Variants in DENND1B observed in about 807,000 individuals in gnomAD.
DENND1B encodes the protein DENN domain containing 1B, also known as DENN domain-containing protein 1B.
A neutral mutation model predicts 90.1 loss-of-function variants in DENND1B; 59 were observed. That is an observed-to-expected ratio of 0.65 (90% CI 0.53 to 0.81). DENND1B has a LOEUF of 0.81. Ranked by LOEUF, DENND1B falls within the 40% of genes least tolerant of loss-of-function variation. DENND1B has a pLI of 0.00. For missense variants in DENND1B, 862 were observed against 912.6 expected, an observed-to-expected ratio of 0.94 and a Z score of 0.71; for synonymous variants, 337 against 324.6, an observed-to-expected ratio of 1.04 and a Z score of -0.41.
intron 15 of DENND1B, among the ~76,000 whole-genome samples, chr1:197,563,930 G>A (rs1208612378): frequency 6.6e-6 from 1 of 151,930 alleles, no homozygotes; most frequent in African/African-American, 2.4e-5. Context: ...CTTCGAGGAA[G>A]TAACTGCAGA....
chr1:197,666,907 C>T (rs1267370008), intron 5 of DENND1B, among the ~76,000 whole-genome samples: 1 of 152,052 alleles, frequency 6.6e-6, no homozygotes, highest in African/African-American at 2.4e-5. Flanking sequence ...CCTGTAATCC[C>T]AACACTTTGG....
At chr1:197,751,681 T>C (rs1203470293) in intron 2 of DENND1B, among the ~76,000 whole-genome samples, 1 of 151,876 alleles carries the variant, frequency 6.6e-6, no homozygotes, top group African/African-American at 2.4e-5. Flanking sequence ...TTGTCTCTAC[T>C]AAAAATACAA....
chr1:197,610,854 A>T (rs192681869), intron 12 of DENND1B, among the ~76,000 whole-genome samples: 525 of 151,032 alleles, frequency 3.5e-3, no homozygotes, highest in African/African-American at 8.5e-3. Context: ...AACCTACTAA[A>T]GATATTTATT....
chr1:197,562,200 G>A (rs948229334), intron 15 of DENND1B, among the ~76,000 whole-genome samples: 3 of 151,860 alleles, frequency 2.0e-5, no homozygotes, highest in African/African-American at 7.2e-5. Context: ...CAAAGTCAGA[G>A]ATTGTCTTCT....
chr1:197,600,736 T>C (rs1245151920), intron 13 of DENND1B, among the ~76,000 whole-genome samples: 2 of 151,734 alleles, frequency 1.3e-5, no homozygotes, highest in South Asian at 2.1e-4. Context: ...GTATAAAGGA[T>C]ATATGAGAGA....
Position 197,558,557 on chromosome 1 carries a change from G to A in DENND1B, c.1150-5445C>T, listed in dbSNP as rs184025670. ...AGGCCACGCTCTAGTTTTCAATCACGGGTCTGTTACATCAAAATAATATAT... is the reference window on the plus strand; with the variant it reads ...AGGCCACGCTCTAGTTTTCAATCACAGGTCTGTTACATCAAAATAATATAT... On this transcript the variant is annotated intron_variant, in intron 15 of 22. Coordinates refer to ENST00000620048, the MANE Select transcript of DENND1B (RefSeq NM_001195215.2). Among the ~76,000 whole-genome samples, 689 of 151,684 alleles carry A rather than the reference G, an allele frequency of 4.5e-3. 10 individuals are homozygous for A. Among genetic ancestry groups the A allele is most frequent in the African/African-American group, 0.015 (625 of 41,430 alleles).
At chr1:197,565,116 A>T (rs1033455271) in intron 15 of DENND1B, among the ~76,000 whole-genome samples, 1 of 152,078 alleles carries the variant, frequency 6.6e-6, no homozygotes, top group South Asian at 2.1e-4. Flanking sequence ...ATTTACTAGT[A>T]ATACAAGTGC....
At chr1:197,761,703 A>T (rs910143907) in intron 2 of DENND1B, 1 of 152,148 alleles carries the variant, frequency 6.6e-6, no homozygotes, top group African/African-American at 2.4e-5. Context: ...CTACCAAACC[A>T]AGATAAAATT....
chr1:197,770,777 A>AATATATAAATATATATCTATAAATAT (rs1558503787), intron 2 of DENND1B, among the ~76,000 whole-genome samples: 4 of 136,818 alleles, frequency 2.9e-5, no homozygotes, highest in East Asian at 2.0e-4. Context: ...TATATCTATA[A>AATATATAAATATATATCTATAAATAT]ATATATAAAT....
At chr1:197,588,995 T>G (rs1438422708) in intron 14 of DENND1B, among the ~76,000 whole-genome samples, 1 of 152,130 alleles carries the variant, frequency 6.6e-6, no homozygotes, top group African/African-American at 2.4e-5. Context: ...CTACTAATGT[T>G]CTATTTACCT....
intron 3 of DENND1B, among the ~76,000 whole-genome samples, 174 bp downstream of exon 3, chr1:197,714,857 A>G (rs1401501557): frequency 6.6e-6 from 1 of 152,156 alleles, no homozygotes; most frequent in Non-Finnish European, 1.5e-5. Flanking sequence ...GGTAACTTTA[A>G]AAGATTCTTC....
Position 197,508,543 on chromosome 1 carries a change from T to C in DENND1B, c.*1917A>G, listed in dbSNP as rs941116747. ...ATGAATAAGTGTCCCAAATAACACA[T>C]ATCCATTTAGATTTTGAAACGTAGG... On this transcript the variant is annotated 3_prime_UTR_variant, in exon 23 of 23. Transcript: ENST00000620048. 6.6e-6 allele frequency: 1 copy of C among 151,760 alleles called. No homozygotes were observed. The highest frequency in any genetic ancestry group is 1.5e-5 in the Non-Finnish European group (1 of 67,796). The allele number at this position is 151,760 out of a possible 1,614,324, so 9.4% of individuals were successfully genotyped here. A position where few individuals can be genotyped will look rare whatever the true frequency, so the allele number is the denominator to read the frequency against.
chr1:197,629,910 A>T (rs1025081596), intron 10 of DENND1B, among the ~76,000 whole-genome samples: 4 of 152,046 alleles, frequency 2.6e-5, no homozygotes, highest in African/African-American at 9.7e-5. Context: ...TGCCTCACCA[A>T]CCTCAGCAAA....
At chr1:197,771,095 A>G (rs1258625688) in intron 2 of DENND1B, among the ~76,000 whole-genome samples, 1 of 151,674 alleles carries the variant, frequency 6.6e-6, no homozygotes, top group Non-Finnish European at 1.5e-5. Flanking sequence ...TATTTTTAGT[A>G]GAGATGGGGT....
At chr1:197,616,686 T>C (rs529365697) in intron 11 of DENND1B, among the ~76,000 whole-genome samples, 1 of 151,286 alleles carries the variant, frequency 6.6e-6, no homozygotes, top group Admixed American at 6.6e-5. Context: ...AAATCATTTT[T>C]AATCCTTAAT....
chr1:197,735,669 A>T, intron 2 of DENND1B: 1 of 1,614,072 alleles, frequency 6.2e-7, no homozygotes, highest in Admixed American at 1.7e-5. Flanking sequence ...CAGCCGGTAC[A>T]AGGTCTACCC....
intron 2 of DENND1B, among the ~76,000 whole-genome samples, chr1:197,722,546 A>G (rs982491865): frequency 6.6e-5 from 10 of 152,292 alleles, no homozygotes; most frequent in Middle Eastern, 6.8e-3. Context: ...TGTATTTTGT[A>G]AAACAATGGC....
intron 3 of DENND1B, among the ~76,000 whole-genome samples, chr1:197,697,287 G>T (rs1312048018): frequency 6.6e-6 from 1 of 151,142 alleles, no homozygotes; most frequent in Non-Finnish European, 1.5e-5. Context: ...TAACTGACAG[G>T]GTTAGGATTC....
chr1:197,584,259 AAAT>A (rs1164316236), intron 14 of DENND1B, among the ~76,000 whole-genome samples: 3 of 152,236 alleles, frequency 2.0e-5, no homozygotes, highest in Admixed American at 6.5e-5. Context: ...TGTATAAATA[AAAT>A]AATGAGAGTA....
Sources: allele counts gnomAD v4.1 joint callset (sites outside exome capture counted in the v4.1 genomes callset), GRCh38; gene constraint gnomAD v4.1.1; transcripts MANE v1.5; gene names NCBI Gene and HGNC (gene_info 2026-07-23, HGNC 2026-07-21).